The following MAP3K5 variants were observed in gnomAD, a reference collection of about 807,000 sequenced individuals.
The protein encoded by MAP3K5 is ASK-1.
MAP3K5 carries 56 observed loss-of-function variants against 158.7 expected under a neutral mutation model. The observed-to-expected ratio is 0.35, with a 90% CI of 0.28 to 0.44. The LOEUF (loss-of-function observed/expected upper bound fraction) is 0.44. Among genes scored for constraint, MAP3K5 ranks in the 20% least tolerant of loss-of-function variants. The pLI, the probability that MAP3K5 is intolerant of heterozygous loss-of-function variation, is 1.00. For synonymous variants in MAP3K5, 579 were observed against 601.7 expected, an observed-to-expected ratio of 0.96 and a Z score of 0.55; for missense variants, 1,294 against 1,674.8, an observed-to-expected ratio of 0.77 and a Z score of 3.97.
intron 25 of MAP3K5, among the ~76,000 whole-genome samples, chr6:136,577,662 C>T (rs1583210254): frequency 1.3e-5 from 2 of 152,164 alleles, no homozygotes; most frequent in African/African-American, 2.4e-5. Context: ...CAGAGTTTCA[C>T]CTACAGTTAC....
intron 25 of MAP3K5, among the ~76,000 whole-genome samples, chr6:136,572,892 A>G (rs927041763): frequency 2.0e-5 from 3 of 152,238 alleles, no homozygotes; most frequent in Admixed American, 1.3e-4. Flanking sequence ...AATACACAGA[A>G]GAGCGCTGAG....
At chr6:136,704,143 A>C (rs897360165) in intron 3 of MAP3K5, among the ~76,000 whole-genome samples, 4 of 152,116 alleles carry the variant, frequency 2.6e-5, no homozygotes, top group African/African-American at 9.7e-5. Context: ...TCTCAGAGGC[A>C]GAATACAATA....
At chr6:136,702,772 T>G (rs183259631) in intron 3 of MAP3K5, among the ~76,000 whole-genome samples, 1 of 152,236 alleles carries the variant, frequency 6.6e-6, no homozygotes, top group Non-Finnish European at 1.5e-5. Flanking sequence ...CTCGGCTCAC[T>G]GCAGCCTCTG....
intron 13 of MAP3K5, among the ~76,000 whole-genome samples, chr6:136,638,826 T>C (rs962404777): frequency 4.6e-5 from 7 of 152,230 alleles, no homozygotes; most frequent in African/African-American, 1.4e-4. Flanking sequence ...ATTATTTAAA[T>C]AAGAACAATC....
At chr6:136,671,527 A>C (rs1440605018) in intron 7 of MAP3K5, among the ~76,000 whole-genome samples, 2 of 152,246 alleles carry the variant, frequency 1.3e-5, no homozygotes, top group Non-Finnish European at 2.9e-5. Flanking sequence ...ATACCACTGC[A>C]GGAAGTGGGA....
intron 2 of MAP3K5, among the ~76,000 whole-genome samples, chr6:136,718,072 T>A (rs1489713182): frequency 2.6e-5 from 4 of 152,230 alleles, no homozygotes; most frequent in East Asian, 1.9e-4. Flanking sequence ...CAGGCAGTCG[T>A]AATCCCAAAT....
At chr6:136,607,457 T>C (rs919288666) in intron 18 of MAP3K5, among the ~76,000 whole-genome samples, 1 of 152,220 alleles carries the variant, frequency 6.6e-6, no homozygotes, top group Non-Finnish European at 1.5e-5. Context: ...TCTGCTCCTC[T>C]TTTTACTCCA....
chr6:136,707,848 T>G (rs1228659398), intron 2 of MAP3K5, among the ~76,000 whole-genome samples: 3 of 152,164 alleles, frequency 2.0e-5, no homozygotes, highest in African/African-American at 7.2e-5. Context: ...CACTAGTACC[T>G]CCATACACTG....
intron 28 of MAP3K5, among the ~76,000 whole-genome samples, chr6:136,559,268 C>T (rs1180764429): frequency 6.6e-6 from 1 of 152,240 alleles, no homozygotes; most frequent in African/African-American, 2.4e-5. Context: ...AGGAGAATCG[C>T]TTGAACCCGG....
intron 25 of MAP3K5, among the ~76,000 whole-genome samples, chr6:136,572,195 G>A (rs1774399262): frequency 6.6e-6 from 1 of 152,150 alleles, no homozygotes; most frequent in Non-Finnish European, 1.5e-5. Flanking sequence ...GATTAAATTA[G>A]AGGACAAGAT....
chr6:136,734,774 T>C (rs1782384856), intron 1 of MAP3K5, among the ~76,000 whole-genome samples: 1 of 152,218 alleles, frequency 6.6e-6, no homozygotes, highest in South Asian at 2.1e-4. Flanking sequence ...GCTTCATTCA[T>C]TTATGCTTCA....
At chr6:136,618,388 C>T (rs1458453831) in intron 15 of MAP3K5, among the ~76,000 whole-genome samples, 1 of 152,216 alleles carries the variant, frequency 6.6e-6, no homozygotes, top group Admixed American at 6.5e-5. Context: ...AAGGGCTTGT[C>T]ATGTGCAAAT....
chr6:136,689,823 TTC>T (rs1780312016), intron 7 of MAP3K5, among the ~76,000 whole-genome samples: 2 of 152,196 alleles, frequency 1.3e-5, no homozygotes, highest in Non-Finnish European at 2.9e-5. Context: ...GTCTCTTGTA[TTC>T]TGTTTTGGCA....
chr6:136,625,128 C>G (rs1253429192), intron 14 of MAP3K5, among the ~76,000 whole-genome samples: 1 of 151,844 alleles, frequency 6.6e-6, no homozygotes, highest in Non-Finnish European at 1.5e-5. Flanking sequence ...TAATCTAGGG[C>G]GGGAATTTGT....
chr6:136,710,222 A>C (rs1447920133), intron 2 of MAP3K5, among the ~76,000 whole-genome samples: 1 of 152,212 alleles, frequency 6.6e-6, no homozygotes, highest in Non-Finnish European at 1.5e-5. Flanking sequence ...AAAGGGAATA[A>C]ATTTAAGACA....
At chr6:136,621,853 G>A (rs1458261592) in intron 15 of MAP3K5, among the ~76,000 whole-genome samples, 16 of 152,202 alleles carry the variant, frequency 1.1e-4, no homozygotes, top group Admixed American at 7.2e-4. Flanking sequence ...TTGGGAGGCC[G>A]AGGCGGGCGG....
At chr6:136,592,721 A>C (rs996119157) in intron 21 of MAP3K5, 107 bp from the exon 22 acceptor site, 1 of 936,824 alleles carries the variant, frequency 1.1e-6, no homozygotes, top group African/African-American at 1.6e-5. Context: ...ATCTTGTTGC[A>C]ATGAGCAGCA....
At chr6:136,624,874 T>C (rs1443185283) in intron 14 of MAP3K5, among the ~76,000 whole-genome samples, 1 of 152,210 alleles carries the variant, frequency 6.6e-6, no homozygotes, top group African/African-American at 2.4e-5. Flanking sequence ...AACATATTGC[T>C]ACCAAGACAG....
intron 10 of MAP3K5, among the ~76,000 whole-genome samples, chr6:136,655,664 GA>G (rs1236182849): frequency 6.6e-6 from 1 of 152,108 alleles, no homozygotes. Context: ...GAACCATCCA[GA>G]GGGGCATGGC....
Sources: allele counts gnomAD v4.1 joint callset (sites outside exome capture counted in the v4.1 genomes callset), GRCh38; gene constraint gnomAD v4.1.1; transcripts MANE v1.5; gene names NCBI Gene and HGNC (gene_info 2026-07-23, HGNC 2026-07-21).